TENM4: variants seen among roughly 807,000 people sequenced by gnomAD.
TENM4 encodes teneurin-4.
TENM4 carries 82 observed loss-of-function variants against 243.3 expected under a neutral mutation model. The observed-to-expected ratio is 0.34, with a 90% CI of 0.28 to 0.40. The LOEUF is 0.40. Ranked by LOEUF, TENM4 falls within the 10% of genes least tolerant of loss-of-function variation. TENM4 has a pLI of 1.00. For synonymous variants in TENM4, 1,412 were observed against 1,456.3 expected (o/e 0.97, Z 0.69); for missense variants, 3,138 against 3,673.3 (o/e 0.85, Z 3.77).
chr11:79,104,233 A>T (rs992215662), intron 4 of TENM4, among the ~76,000 whole-genome samples: 5 of 152,208 alleles, frequency 3.3e-5, no homozygotes, highest in African/African-American at 7.2e-5. Flanking sequence ...CCCCAGCAAG[A>T]TAGTAAGCTT....
At chr11:79,215,319 C>T (rs1194079040) in intron 3 of TENM4, among the ~76,000 whole-genome samples, 1 of 152,182 alleles carries the variant, frequency 6.6e-6, no homozygotes, top group East Asian at 1.9e-4. Flanking sequence ...CTCCAGACCA[C>T]CTGCCTTCTG....
At chr11:78,837,906 T>A (rs1858154717) in intron 12 of TENM4, among the ~76,000 whole-genome samples, 1 of 152,206 alleles carries the variant, frequency 6.6e-6, no homozygotes, top group South Asian at 2.1e-4. Context: ...TAAACAATGC[T>A]GTGATAAGTG....
intron 6 of TENM4, among the ~76,000 whole-genome samples, chr11:78,962,818 T>C (rs1565145566): frequency 6.6e-6 from 1 of 152,234 alleles, no homozygotes; most frequent in Non-Finnish European, 1.5e-5. Flanking sequence ...ATTACTGAGA[T>C]TTTATTCCGA....
chr11:78,863,507 A>C (rs1858878496), intron 9 of TENM4, among the ~76,000 whole-genome samples: 1 of 152,252 alleles, frequency 6.6e-6, no homozygotes, highest in South Asian at 2.1e-4. Flanking sequence ...CCAAAGTCCA[A>C]CAACTCAGTA....
intron 1 of TENM4, among the ~76,000 whole-genome samples, chr11:79,333,724 T>A: frequency 6.6e-6 from 1 of 152,176 alleles, no homozygotes; most frequent in East Asian, 1.9e-4. Flanking sequence ...CTAATATCTA[T>A]GAAGCCAATT....
chr11:78,859,435 A>G (rs1356706428), intron 10 of TENM4, among the ~76,000 whole-genome samples: 3 of 152,256 alleles, frequency 2.0e-5, no homozygotes, highest in Admixed American at 2.0e-4. Flanking sequence ...GTAAAGCTAG[A>G]TAGATTCAGG....
intron 25 of TENM4, among the ~76,000 whole-genome samples, chr11:78,716,630 T>C (rs1451067078): frequency 6.6e-6 from 1 of 152,198 alleles, no homozygotes; most frequent in Non-Finnish European, 1.5e-5. Flanking sequence ...TGGAGAGATT[T>C]AAAAATAGCC....
chr11:78,864,433 C>CAAAAAAAA lies in TENM4; in HGVS notation c.1085-1309_1085-1302dup, dbSNP rs145489804. On this transcript the variant is annotated intron_variant, in intron 9 of 33. Coordinates refer to ENST00000278550, the MANE Select transcript of TENM4 (RefSeq NM_001098816.3). ...TGGGCGACAGAGCGAGACTCCGTCT[C>CAAAAAAAA]AAAAAAAAAAAAAAAAAAAAAAAAA... is the stretch of plus-strand genomic sequence containing the variant. Among the ~76,000 whole-genome samples, 75 of 36,208 alleles carry CAAAAAAAA rather than the reference C, an allele frequency of 2.1e-3. 2 individuals are homozygous for CAAAAAAAA. Among genetic ancestry groups the CAAAAAAAA allele is most frequent in the African/African-American group, 8.4e-3 (64 of 7,590 alleles). The allele number at this position is 36,208 out of a possible 152,430, so 23.8% of individuals were successfully genotyped here.
chr11:79,210,908 G>A (rs927352397), intron 3 of TENM4, among the ~76,000 whole-genome samples: 7 of 152,132 alleles, frequency 4.6e-5, no homozygotes, highest in African/African-American at 1.7e-4. Context: ...ACACCATCAA[G>A]AAGTTGCTTA....
intron 6 of TENM4, among the ~76,000 whole-genome samples, chr11:79,001,019 A>G (rs1858309127): frequency 6.6e-6 from 1 of 152,248 alleles, no homozygotes; most frequent in Non-Finnish European, 1.5e-5. Flanking sequence ...TGACAAATTG[A>G]GACTCCATCT....
intron 6 of TENM4, among the ~76,000 whole-genome samples, chr11:78,929,900 G>T (rs1036975166): frequency 6.6e-6 from 1 of 152,322 alleles, no homozygotes; most frequent in East Asian, 1.9e-4. Flanking sequence ...ATTAAATTAA[G>T]ATTCTGGACA....
chr11:78,915,950 C>T (rs1321597477), intron 6 of TENM4, among the ~76,000 whole-genome samples: 2 of 152,198 alleles, frequency 1.3e-5, no homozygotes, highest in Admixed American at 6.5e-5. Context: ...CGCTAGAACG[C>T]ACAGAGCAGT....
intron 9 of TENM4, among the ~76,000 whole-genome samples, chr11:78,874,349 G>C (rs1859210314): frequency 6.6e-6 from 1 of 152,116 alleles, no homozygotes; most frequent in South Asian, 2.1e-4. Context: ...AAAGTATATT[G>C]AAAATATAAG....
At chr11:79,384,121 C>T (rs1267259533) in intron 1 of TENM4, among the ~76,000 whole-genome samples, 1 of 152,096 alleles carries the variant, frequency 6.6e-6, no homozygotes, top group Non-Finnish European at 1.5e-5. Flanking sequence ...TCATTCAGTG[C>T]CACAGCAGTG....
chr11:78,861,613 T>C (rs1031952730), intron 10 of TENM4, among the ~76,000 whole-genome samples: 1 of 152,236 alleles, frequency 6.6e-6, no homozygotes, highest in Non-Finnish European at 1.5e-5. Context: ...AGTTCCCACT[T>C]CCCTTAAAGA....
At chr11:79,259,418 C>G (rs1007688765) in intron 2 of TENM4, among the ~76,000 whole-genome samples, 1 of 152,180 alleles carries the variant, frequency 6.6e-6, no homozygotes, top group Non-Finnish European at 1.5e-5. Context: ...AAAATTCCTT[C>G]CTTCCTAGAA....
In TENM4 at chr11:79,177,121, C is replaced by T. The variant is rs74845020; in HGVS notation, c.-162-28315G>A. Among the ~76,000 whole-genome samples the T allele has an allele frequency of 4.4e-3, 668 of 151,568 alleles. 4 individuals carry two copies. In the South Asian group the frequency reaches 0.045, roughly 10 times the overall value. The stretch of plus-strand genomic sequence containing the variant: ...CGTGGCCTAGAACAGTTGTTTTAAA[C>T]GAATTGTTTAAACCTTTTTTTTTTC... On this transcript the variant is annotated intron_variant, in intron 3 of 33. Transcript: ENST00000278550.
At chr11:79,302,655 CAG>C (rs1420276970) in intron 1 of TENM4, among the ~76,000 whole-genome samples, 1 of 152,182 alleles carries the variant, frequency 6.6e-6, no homozygotes, top group African/African-American at 2.4e-5. Context: ...CAGAGAGGCT[CAG>C]TACTTCTCTA....
At chr11:79,049,623 T>C (rs1406891930) in intron 6 of TENM4, among the ~76,000 whole-genome samples, 2 of 152,194 alleles carry the variant, frequency 1.3e-5, no homozygotes, top group African/African-American at 2.4e-5. Flanking sequence ...TCCTAAATGA[T>C]AGGAGGGGCT....
Sources: allele counts gnomAD v4.1 joint callset (sites outside exome capture counted in the v4.1 genomes callset), GRCh38; gene constraint gnomAD v4.1.1; transcripts MANE v1.5; gene names NCBI Gene and HGNC (gene_info 2026-07-23, HGNC 2026-07-21).